Variants in ANKRD12 observed in about 807,000 individuals in gnomAD.
The protein encoded by ANKRD12 is ankyrin repeat domain 12.
Under a neutral mutation model 183.4 loss-of-function variants are expected in ANKRD12, and 85 were observed. The observed-to-expected ratio is 0.46, with a 90% CI of 0.39 to 0.56. The LOEUF is 0.56. ANKRD12 is among the 20% of genes least tolerant of loss of function. The pLI is 0.00. For synonymous variants in ANKRD12, 914 were observed against 800.2 expected, an observed-to-expected ratio of 1.14 and a Z score of -2.40; for missense variants, 2,405 against 2,357.1, an observed-to-expected ratio of 1.02 and a Z score of -0.42.
At position 9,254,598 on chromosome 18, in the gene ANKRD12, C is replaced by T. The variant is rs777352553; in HGVS notation, c.1331C>T (p.Ser444Phe). The T allele has an allele frequency of 1.1e-5, 18 of 1,582,774 alleles. No homozygotes were observed. Among genetic ancestry groups the T allele is most frequent in the Admixed American group, 1.9e-5 (1 of 53,666 alleles). ...LQNKKISTSC[S>F]VIPETSNSDM... ...AATAAAAAGATTTCTACTTCATGTT[C>T]CGTCATCCCTGAAACATCAAATTCT... The change falls in exon 9 of 13, where the codon TCC becomes TTC. Residue 444 changes from serine (S) to phenylalanine (F), a missense_variant. Ser to Phe is a radical substitution (Grantham distance 155, BLOSUM62 -2). This residue lies in a region of ANKRD12 where 1,983 missense variants were observed against 1,725.9 expected (regional missense o/e 1.15). Transcript: ENST00000262126.
Position 9,256,294 on chromosome 18 carries a change from G to A in ANKRD12, c.3027G>A (p.Leu1009=). The change falls in exon 9 of 13, where the codon TTG becomes TTA. Residue 1009 remains leucine (L), a synonymous_variant. Transcript: ENST00000262126. The part of the protein sequence containing the change: ...SLKEKTKDEP[L]KTPDGKEKDK... ...AAGAAAAAACAAAAGATGAACCTTTGAAAACTCCAGATGGAAAAGAAAAAG... is the reference window on the plus strand; with the variant it reads ...AAGAAAAAACAAAAGATGAACCTTTAAAAACTCCAGATGGAAAAGAAAAAG... 6.2e-7 allele frequency: 1 copy of A among 1,603,770 alleles called. No individual in the cohort carries two copies. The highest frequency in any genetic ancestry group is 1.1e-5 in the South Asian group (1 of 88,672).
chr18:9,157,309 G>A (rs1294274813), intron 1 of ANKRD12, among the ~76,000 whole-genome samples: 1 of 151,938 alleles, frequency 6.6e-6, no homozygotes, highest in East Asian at 1.9e-4. Flanking sequence ...TCATCTCGTG[G>A]TTGTTTACCC....
At position 9,195,695 on chromosome 18, in the gene ANKRD12, A is replaced by G. The variant is rs2034743661; in HGVS notation, c.232A>G (p.Thr78Ala). 16 of 1,607,858 alleles carry G rather than the reference A, an allele frequency of 1.0e-5. No homozygotes were observed. Among genetic ancestry groups the G allele is most frequent in the Non-Finnish European group, 1.4e-5 (16 of 1,177,222 alleles). ...PSRNEERDSD[T>A]DSDPGHTSEN... ...AAGAAATGAAGAACGAGATTCAGAC[A>G]CAGGTAGAATAATTTGCTGTTCTCT... The change falls in exon 3 of 13, where the codon ACA becomes GCA. Residue 78 changes from threonine (T) to alanine (A), a missense_variant. This residue lies in a region of ANKRD12 where 145 missense variants were observed against 145.6 expected (regional missense o/e 1.00). Coordinates refer to ENST00000262126, the MANE Select transcript of ANKRD12 (RefSeq NM_015208.5).
At chr18:9,140,393 T>C (rs557996044) in intron 1 of ANKRD12, among the ~76,000 whole-genome samples, 10 of 152,214 alleles carry the variant, frequency 6.6e-5, no homozygotes, top group Non-Finnish European at 1.5e-5. Context: ...CACTTAGTTC[T>C]AACCTTAGTT....
At chr18:9,211,876 C>A in intron 6 of ANKRD12, 92 bp downstream of exon 6, 2 of 1,161,646 alleles carry the variant, frequency 1.7e-6, no homozygotes, top group South Asian at 1.6e-5. Flanking sequence ...ATTCATTTTG[C>A]TGAAATGAAA....
chr18:9,235,184 TAGAG>T (rs532532139), intron 8 of ANKRD12, among the ~76,000 whole-genome samples: 47 of 152,288 alleles, frequency 3.1e-4, no homozygotes, highest in African/African-American at 1.1e-3. Flanking sequence ...AAGAGGATGA[TAGAG>T]AGCCAGTTTG....
chr18:9,155,964 A>C (rs2030362374), intron 1 of ANKRD12, among the ~76,000 whole-genome samples: 1 of 151,974 alleles, frequency 6.6e-6, no homozygotes, highest in African/African-American at 2.4e-5. Flanking sequence ...ATGAAACCGA[A>C]TCTCTACTAA....
At chr18:9,231,726 G>A (rs1215443345) in intron 8 of ANKRD12, among the ~76,000 whole-genome samples, 1 of 150,694 alleles carries the variant, frequency 6.6e-6, no homozygotes, top group African/African-American at 2.4e-5. Context: ...TCGGGAGGCT[G>A]AGGCAGGAGG....
chr18:9,256,511 C>T lies in ANKRD12; in HGVS notation c.3244C>T (p.Arg1082Ter). ...NDDLMQTSFE[R>*]MLSLKDLEIE... is the part of the protein sequence containing the mutation. ...TGATTTAATGCAGACAAGTTTTGAA[C>T]GAATGCTAAGCCTTAAAGACCTAGA... The change falls in exon 9 of 13, where the codon CGA becomes TGA. Residue 1082 changes from arginine (R) to a stop codon, truncating the protein, a stop_gained. Coordinates refer to ENST00000262126, the MANE Select transcript of ANKRD12 (RefSeq NM_015208.5). LOFTEE classifies it high-confidence loss of function. 6.2e-7 allele frequency: 1 copy of T among 1,610,016 alleles called. No homozygotes were observed. Among genetic ancestry groups the T allele is most frequent in the South Asian group, 1.1e-5 (1 of 89,760 alleles).
chr18:9,137,262 C>T (rs2078138193), intron 1 of ANKRD12, among the ~76,000 whole-genome samples: 1 of 147,254 alleles, frequency 6.8e-6, no homozygotes, highest in African/African-American at 2.4e-5. Context: ...GGAGCCGCGG[C>T]GCAGGTGGGA....
intron 1 of ANKRD12, among the ~76,000 whole-genome samples, chr18:9,160,494 G>C (rs1234723589): frequency 2.0e-5 from 3 of 152,146 alleles, no homozygotes; most frequent in African/African-American, 7.2e-5. Flanking sequence ...CCTGATTCCA[G>C]AACACTTGTC....
At chr18:9,160,143 G>C (rs2031205608) in intron 1 of ANKRD12, among the ~76,000 whole-genome samples, 1 of 151,618 alleles carries the variant, frequency 6.6e-6, no homozygotes, top group South Asian at 2.1e-4. Flanking sequence ...TGGTGGCATG[G>C]GTCTGTGGTC....
At chr18:9,223,475 A>G (rs1181895828) in intron 8 of ANKRD12, among the ~76,000 whole-genome samples, 2 of 152,110 alleles carry the variant, frequency 1.3e-5, no homozygotes, top group East Asian at 1.9e-4. Context: ...CCAAAACCAA[A>G]AAAAATGCTT....
chr18:9,242,638 C>A (rs533441306), intron 8 of ANKRD12, among the ~76,000 whole-genome samples: 37 of 152,096 alleles, frequency 2.4e-4, no homozygotes, highest in African/African-American at 8.4e-4. Flanking sequence ...TGATACAAGT[C>A]TTATTTTCAG....
Position 9,257,288 on chromosome 18 carries a change from G to T in ANKRD12, c.4021G>T (p.Asp1341Tyr), listed in dbSNP as rs1376526326. Residue 1341 changes from aspartate (D) to tyrosine (Y), a missense_variant, in exon 9 of 13, where the codon GAT becomes TAT. By Grantham distance (160) the Asp-to-Tyr change is radical (BLOSUM62 -3). Around this residue, in one of 7 missense-constraint regions of ANKRD12, gnomAD observed 1,983 missense variants for 1,725.9 expected, o/e 1.15. Transcript: ENST00000262126. ...AGGTAGCTTATTAACTGTGCCAGGAGATACTAGTCCTTCTCCCAAACCTGA... is the reference window on the plus strand; with the variant it reads ...AGGTAGCTTATTAACTGTGCCAGGATATACTAGTCCTTCTCCCAAACCTGA... ...NQGSLLTVPG[D>Y]TSPSPKPEVF... 6.2e-7 allele frequency: 1 copy of T among 1,614,096 alleles called. No individual in the cohort carries two copies. The highest frequency in any genetic ancestry group is 1.3e-5 in the African/African-American group (1 of 75,036).
At chr18:9,159,450 G>T (rs1003390433) in intron 1 of ANKRD12, among the ~76,000 whole-genome samples, 1 of 151,842 alleles carries the variant, frequency 6.6e-6, no homozygotes, top group Non-Finnish European at 1.5e-5. Context: ...TTCATTTTTT[G>T]AGATGGAGTC....
chr18:9,256,387 T>C lies in ANKRD12; in HGVS notation c.3120T>C (p.Asn1040=). The C allele has an allele frequency of 1.2e-6, 2 of 1,606,942 alleles. No homozygotes were observed. Among genetic ancestry groups the C allele is most frequent in the East Asian group, 2.2e-5 (1 of 44,754 alleles). The stretch of plus-strand genomic sequence containing the variant: ...AACATAAAGATAAAATTCAAATAAA[T>C]AGCTTACTCAAACTAAAATCTGAAG... The part of the protein sequence containing the change: ...RDKHKDKIQI[N]SLLKLKSEAD... The change falls in exon 9 of 13, where the codon AAT becomes AAC. Residue 1040 remains asparagine (N), a synonymous_variant. Coordinates refer to ENST00000262126, the MANE Select transcript of ANKRD12 (RefSeq NM_015208.5).
intron 11 of ANKRD12, 147 bp downstream of exon 11, chr18:9,275,814 TC>T (rs1426480363): frequency 5.7e-6 from 4 of 706,278 alleles, no homozygotes; most frequent in Admixed American, 3.3e-5. Flanking sequence ...CCAGAGTACT[TC>T]CAGATCAACT....
chr18:9,283,890 A>T lies in ANKRD12; in HGVS notation c.*2764A>T, dbSNP rs541367962. ...GAATTAGCCTTTCAAGTTCAAATCT[A>T]TTTAATAATGAGAAGTCTCACAAGT... is the stretch of plus-strand genomic sequence containing the variant. On this transcript the variant is annotated 3_prime_UTR_variant, in exon 13 of 13. Coordinates refer to ENST00000262126, the MANE Select transcript of ANKRD12 (RefSeq NM_015208.5). The T allele has an allele frequency of 1.3e-5, 2 of 152,360 alleles. No homozygotes were observed. Among genetic ancestry groups the T allele is most frequent in the African/African-American group, 2.4e-5 (1 of 41,450 alleles). 9.4% of individuals were successfully genotyped at this position (152,360 alleles called of 1,614,324 possible).
Sources: allele counts gnomAD v4.1 joint callset (sites outside exome capture counted in the v4.1 genomes callset), GRCh38; gene constraint gnomAD v4.1.1; regional missense constraint gnomAD v4.1.1; transcripts MANE v1.5; gene names NCBI Gene and HGNC (gene_info 2026-07-23, HGNC 2026-07-21).